VPS53: variants seen among roughly 807,000 people sequenced by gnomAD.
VPS53 encodes VPS53 subunit of GARP complex.
Under a neutral mutation model 107.0 loss-of-function variants are expected in VPS53, and 70 were observed. That is an observed-to-expected ratio of 0.65 (90% CI 0.54 to 0.80). The LOEUF is 0.80. Among genes scored for constraint, VPS53 ranks in the 30% least tolerant of loss-of-function variants. The pLI is 0.00. For missense variants in VPS53, 917 were observed against 1,049.4 expected, an observed-to-expected ratio of 0.87 and a Z score of 1.74; for synonymous variants, 409 against 393.3, an observed-to-expected ratio of 1.04 and a Z score of -0.47.
chr17:521,953 A>G (rs545027570), intron 19 of VPS53, among the ~76,000 whole-genome samples: 7 of 152,212 alleles, frequency 4.6e-5, no homozygotes, highest in Non-Finnish European at 1.0e-4. Flanking sequence ...GTGTACGTAT[A>G]TAAAAAACTA....
chr17:693,081 C>G (rs1972831382), intron 4 of VPS53, among the ~76,000 whole-genome samples: 1 of 152,120 alleles, frequency 6.6e-6, no homozygotes, highest in Admixed American at 6.6e-5. Context: ...TTGCAGTAAG[C>G]CGAGATCACA....
intron 13 of VPS53, among the ~76,000 whole-genome samples, 173 bp from the exon 14 acceptor site, chr17:562,918 C>T (rs1913159020): frequency 6.6e-6 from 1 of 152,116 alleles, no homozygotes; most frequent in South Asian, 2.1e-4. Context: ...ACCACCACTC[C>T]TACAACAGCA....
At chr17:563,280 T>G (rs540768674) in intron 13 of VPS53, among the ~76,000 whole-genome samples, 42 of 149,006 alleles carry the variant, frequency 2.8e-4, no homozygotes, top group Admixed American at 1.7e-3. Context: ...TCACTGAACT[T>G]CATTTCCTTT....
At chr17:672,115 C>CACAT (rs1214270109) in intron 4 of VPS53, among the ~76,000 whole-genome samples, 1 of 109,302 alleles carries the variant, frequency 9.1e-6, no homozygotes, top group Admixed American at 9.1e-5. Flanking sequence ...GGGTGACACA[C>CACAT]ACACACACAC....
chr17:705,724 G>C (rs946267357), intron 2 of VPS53: 1 of 152,202 alleles, frequency 6.6e-6, no homozygotes, highest in Non-Finnish European at 1.5e-5. Context: ...TGGTGACAAA[G>C]CAAGACTCCA....
chr17:662,000 T>A, intron 4 of VPS53, 105 bp from the exon 5 acceptor site: 1 of 1,017,388 alleles, frequency 9.8e-7, no homozygotes, highest in Non-Finnish European at 1.4e-6. Context: ...GAAGCTCTCC[T>A]GATTCATTGT....
intron 2 of VPS53, 126 bp downstream of exon 2, chr17:710,407 T>A: frequency 1.4e-6 from 1 of 704,952 alleles, no homozygotes; most frequent in Non-Finnish European, 2.5e-6. Context: ...ATGATGGAGT[T>A]TGATTTGAAT....
rs1567715462 is a variant in VPS53 at position 658,217 on chromosome 17, ATT to A, written c.373-2266_373-2265del. The stretch of plus-strand genomic sequence containing the variant: ...GGGAGTTCGTGGATAGATACATCCC[ATT>A]GAAGTGAGACACTCGGCCGTGAGTT... On this transcript the variant is annotated intron_variant, in intron 5 of 21. Transcript: ENST00000437048. Among the ~76,000 whole-genome samples, 392 of 82,490 alleles carry A rather than the reference ATT, an allele frequency of 4.8e-3. 7 individuals carry two copies. Among genetic ancestry groups the A allele is most frequent in the African/African-American group, 0.012 (374 of 30,200 alleles). 54.1% of individuals were successfully genotyped at this position (82,490 alleles called of 152,430 possible). A position where few individuals can be genotyped will look rare whatever the true frequency, so the allele number is the denominator to read the frequency against.
At chr17:644,090 A>G (rs1970582090) in intron 7 of VPS53, among the ~76,000 whole-genome samples, 1 of 152,262 alleles carries the variant, frequency 6.6e-6, no homozygotes, top group Non-Finnish European at 1.5e-5. Flanking sequence ...GACTAGAAAC[A>G]TTCCCTTTCA....
intron 13 of VPS53, among the ~76,000 whole-genome samples, chr17:574,752 GA>G (rs1256114163): frequency 6.6e-6 from 1 of 152,042 alleles, no homozygotes; most frequent in East Asian, 1.9e-4. Flanking sequence ...CTGACACTGA[GA>G]CCCCGTCTCA....
intron 7 of VPS53, among the ~76,000 whole-genome samples, chr17:643,276 T>C (rs1597424884): frequency 1.2e-5 from 1 of 80,046 alleles, no homozygotes; most frequent in Non-Finnish European, 3.0e-5. Context: ...ACAACACTCA[T>C]ACTTGGAAAG....
intron 3 of VPS53, among the ~76,000 whole-genome samples, chr17:698,849 C>T (rs1973085540): frequency 6.6e-6 from 1 of 152,162 alleles, no homozygotes; most frequent in South Asian, 2.1e-4. Flanking sequence ...GCATTGAGTT[C>T]CTTGCCACAA....
intron 12 of VPS53, among the ~76,000 whole-genome samples, chr17:596,800 C>A (rs1223757286): frequency 6.6e-6 from 1 of 152,186 alleles, no homozygotes; most frequent in Non-Finnish European, 1.5e-5. Context: ...TACACTAAGT[C>A]ATTTAGCAGT....
At position 687,896 on chromosome 17, in the gene VPS53, C is replaced by T. The variant is rs1972647081; in HGVS notation, c.285+9522G>A. Reference sequence around the variant, plus strand: ...TAACAGCAGAGACAAAATTTAAATTCAAAGCTCAAGTTTTTTTCACTTTAC... The same window carrying T: ...TAACAGCAGAGACAAAATTTAAATTTAAAGCTCAAGTTTTTTTCACTTTAC... On this transcript the variant is annotated intron_variant, in intron 4 of 21. Transcript: ENST00000437048. Among the ~76,000 whole-genome samples the T allele has an allele frequency of 2.0e-5, 3 of 152,228 alleles. No individual in the cohort carries two copies. The South Asian group carries it at 6.2e-4, about 32-fold the overall frequency.
At chr17:653,182 G>T (rs1971027910) in intron 7 of VPS53, 109 bp downstream of exon 7, 1 of 1,559,452 alleles carries the variant, frequency 6.4e-7, no homozygotes, top group Admixed American at 1.9e-5. Context: ...TTGGAAAGCT[G>T]CCGGATCTGC....
Position 661,814 on chromosome 17 carries a change from G to C in VPS53, c.367C>G (p.Gln123Glu), listed in dbSNP as rs777305921. The change falls in exon 5 of 22, where the codon CAA becomes GAA. Residue 123 changes from glutamine to glutamate, a missense_variant. Coordinates refer to ENST00000437048, the MANE Select transcript of VPS53 (RefSeq NM_001128159.3). ...AGGAAGAAACCAGAACTCACCATTT[G>C]CTCTGATTTTTCAGCTTTGTCTTTG... ...DIKDKAEKSE[Q>E]MVKEITRDIK... 2.8e-5 allele frequency: 43 copies of C among 1,551,972 alleles called. 1 individual carries two copies. In the South Asian group the frequency reaches 4.8e-4, roughly 17 times the overall value.
chr17:624,951 C>T (rs1405826798), intron 10 of VPS53, among the ~76,000 whole-genome samples: 3 of 141,080 alleles, frequency 2.1e-5, no homozygotes, highest in Non-Finnish European at 3.1e-5. Context: ...CTCCCTCCCT[C>T]CCTCCCTTCC....
chr17:713,882 A>ACCC (rs879580673), intron 1 of VPS53, among the ~76,000 whole-genome samples: 15,812 of 96,470 alleles, frequency 0.16, 905 homozygotes, highest in East Asian at 0.32. Flanking sequence ...CTTTACCCCA[A>ACCC]AAAAAAAAAA....
chr17:548,441 ACGACTACACTCCACTT>A (rs1280531909), intron 17 of VPS53, among the ~76,000 whole-genome samples: 2 of 145,604 alleles, frequency 1.4e-5, no homozygotes, highest in African/African-American at 2.5e-5. Flanking sequence ...GAAATATCCA[ACGACTACACTCCACTT>A]TGGCCAGCCA....
Sources: gnomAD v4.1 joint callset for allele counts (sites outside exome capture counted in the v4.1 genomes callset) on GRCh38, gnomAD v4.1.1 for gene constraint, MANE v1.5 for transcripts, NCBI Gene and HGNC (gene_info 2026-07-23, HGNC 2026-07-21) for gene names.